The following ALMS1 variants were observed in gnomAD, a reference collection of about 807,000 sequenced individuals.
ALMS1 encodes the protein ALMS1 centrosome and basal body associated protein, also known as centrosome-associated protein ALMS1.
ALMS1 carries 271 observed loss-of-function variants against 352.2 expected under a neutral mutation model. The ratio of observed to expected loss-of-function variants is 0.77; its 90% CI spans 0.70 to 0.85. The LOEUF is 0.85. ALMS1 is among the 40% of genes least tolerant of loss of function. The pLI is 0.00. For synonymous variants in ALMS1, 1,865 were observed against 1,761.2 expected (o/e 1.06, Z -1.48); for missense variants, 5,445 against 4,870.7 (o/e 1.12, Z -3.51).
intron 9 of ALMS1, among the ~76,000 whole-genome samples, chr2:73,478,058 G>A (rs1347461676): frequency 6.6e-6 from 1 of 152,158 alleles, no homozygotes; most frequent in African/African-American, 2.4e-5. Flanking sequence ...TAGGGAGAAA[G>A]CATCTAGCTT....
At chr2:73,554,245 TTAAAG>T (rs1427284375) in intron 13 of ALMS1, among the ~76,000 whole-genome samples, 1 of 149,944 alleles carries the variant, frequency 6.7e-6, no homozygotes, top group Non-Finnish European at 1.5e-5. Flanking sequence ...AAAAAAAAAA[TTAAAG>T]GTAGATACAA....
intron 2 of ALMS1, among the ~76,000 whole-genome samples, chr2:73,414,473 G>GTTTTTTTTTTTTTTTTTTTTTT (rs61660489): frequency 4.5e-5 from 3 of 66,416 alleles, no homozygotes; most frequent in African/African-American, 8.5e-5. Context: ...CTTTTTTTCC[G>GTTTTTTTTTTTTTTTTTTTTTT]TTTTTTTTTT....
intron 15 of ALMS1, among the ~76,000 whole-genome samples, chr2:73,563,965 A>G (rs1194241412): frequency 6.6e-6 from 1 of 152,036 alleles, no homozygotes; most frequent in African/African-American, 2.4e-5. Flanking sequence ...CGTGGAGATG[A>G]AAATTTTTTT....
intron 9 of ALMS1, among the ~76,000 whole-genome samples, chr2:73,462,349 C>T (rs564028574): frequency 1.1e-3 from 169 of 152,164 alleles, no homozygotes; most frequent in African/African-American, 3.7e-3. Flanking sequence ...TCATATCCAG[C>T]GAAACTAAGC....
At chr2:73,426,722 T>A (rs1671387228) in intron 6 of ALMS1, among the ~76,000 whole-genome samples, 169 bp downstream of exon 6, 1 of 152,226 alleles carries the variant, frequency 6.6e-6, no homozygotes, top group Non-Finnish European at 1.5e-5. Context: ...AATTTCATGG[T>A]GATCTAGAGA....
At chr2:73,390,126 A>G (rs1043255890) in intron 1 of ALMS1, among the ~76,000 whole-genome samples, 2 of 152,108 alleles carry the variant, frequency 1.3e-5, no homozygotes, top group Non-Finnish European at 1.5e-5. Flanking sequence ...ATGATAATAT[A>G]TAGAATATAT....
rs1671995009 is a variant in ALMS1 at position 73,453,527 on chromosome 2, A to G, written c.7000A>G (p.Lys2334Glu). The change falls in exon 8 of 23, where the codon AAG (lysine) becomes GAG (glutamate). Residue 2334 changes from lysine to glutamate, a missense_variant. Coordinates refer to ENST00000613296, the MANE Select transcript of ALMS1 (RefSeq NM_001378454.1). Reference sequence around the variant, plus strand: ...AAGCCCAAGCAGCAGGTGCATACAGAAGGATATTGGCACACAGACGAATTT... The same window carrying G: ...AAGCCCAAGCAGCAGGTGCATACAGGAGGATATTGGCACACAGACGAATTT... Reference protein sequence around the residue: ...EESPSSRCIQKDIGTQTNLKC... With the variant: ...EESPSSRCIQEDIGTQTNLKC... The G allele has an allele frequency of 1.2e-6, 2 of 1,613,706 alleles. No homozygotes were observed. Among genetic ancestry groups the G allele is most frequent in the Non-Finnish European group, 1.7e-6 (2 of 1,179,978 alleles).
Position 73,452,989 on chromosome 2 carries a change from G to C in ALMS1, c.6462G>C (p.Lys2154Asn). Residue 2154 changes from lysine to asparagine, a missense_variant, in exon 8 of 23, where the codon AAG (lysine) becomes AAC (asparagine). By Grantham distance (94) the Lys-to-Asn change is moderately conservative (BLOSUM62 0). Transcript: ENST00000613296. ...HREKPDIFYQ[K>N]DLPDRHLTED... Reference sequence around the variant, plus strand: ...AGAAACCAGATATTTTCTATCAAAAGGATTTGCCAGATAGACATCTAACTG... The same window carrying C: ...AGAAACCAGATATTTTCTATCAAAACGATTTGCCAGATAGACATCTAACTG... 1 of 1,612,318 alleles carries C rather than the reference G, an allele frequency of 6.2e-7. No homozygotes were observed. The highest frequency in any genetic ancestry group is 8.5e-7 in the Non-Finnish European group (1 of 1,179,234).
chr2:73,425,679 C>T (rs565264390), intron 5 of ALMS1, among the ~76,000 whole-genome samples: 2 of 151,838 alleles, frequency 1.3e-5, no homozygotes, highest in African/African-American at 2.4e-5. Context: ...AGATGACAGC[C>T]GAGAGAGAGC....
intron 3 of ALMS1, among the ~76,000 whole-genome samples, chr2:73,420,094 T>C (rs1171484254): frequency 1.3e-5 from 2 of 152,232 alleles, no homozygotes; most frequent in Non-Finnish European, 2.9e-5. Flanking sequence ...GAGGACTATC[T>C]TTTGATAGAC....
At chr2:73,585,386 G>A (rs1675286872) in intron 16 of ALMS1, among the ~76,000 whole-genome samples, 1 of 146,502 alleles carries the variant, frequency 6.8e-6, no homozygotes, top group Non-Finnish European at 1.5e-5. Context: ...AATTAATGAT[G>A]ATGAGCTTTT....
chr2:73,456,505 G>A (rs750586866), intron 9 of ALMS1, among the ~76,000 whole-genome samples: 1 of 152,138 alleles, frequency 6.6e-6, no homozygotes, highest in Non-Finnish European at 1.5e-5. Flanking sequence ...TTAGTAGAAC[G>A]TGTGATGTCT....
chr2:73,523,900 A>G (rs1319391029), intron 11 of ALMS1, among the ~76,000 whole-genome samples: 1 of 152,178 alleles, frequency 6.6e-6, no homozygotes, highest in Non-Finnish European at 1.5e-5. Flanking sequence ...CCATCTAGAA[A>G]TGGTTACAGG....
chr2:73,439,635 G>C (rs1671676745), intron 7 of ALMS1, among the ~76,000 whole-genome samples: 1 of 152,048 alleles, frequency 6.6e-6, no homozygotes, highest in African/African-American at 2.4e-5. Flanking sequence ...CCACCTCCCA[G>C]GTTCAAGCGA....
intron 6 of ALMS1, among the ~76,000 whole-genome samples, chr2:73,429,002 C>T (rs1364277811): frequency 6.6e-6 from 1 of 152,276 alleles, no homozygotes; most frequent in East Asian, 1.9e-4. Context: ...GATTTTGAGT[C>T]AAAATCCAGT....
Position 73,578,121 on chromosome 2 carries a change from A to G in ALMS1, c.11547+4697A>G, listed in dbSNP as rs767973253. On this transcript the variant is annotated intron_variant, in intron 16 of 22. Transcript: ENST00000613296. ...CTCTTCATGGATTGATCCTTTTATC[A>G]GTACAAAATCCTCTTTTTGTCTCTT... Among the ~76,000 whole-genome samples, 134 of 152,158 alleles carry G rather than the reference A, an allele frequency of 8.8e-4. 1 individual carries two copies. Among genetic ancestry groups the G allele is most frequent in the Non-Finnish European group, 2.6e-4 (18 of 68,002 alleles).
chr2:73,390,556 TTATAAC>T (rs1670623235), intron 1 of ALMS1, among the ~76,000 whole-genome samples: 1 of 152,204 alleles, frequency 6.6e-6, no homozygotes, highest in African/African-American at 2.4e-5. Context: ...ATGACCAGTC[TTATAAC>T]TAAGTCTTTT....
chr2:73,453,094 C>T lies in ALMS1; in HGVS notation c.6567C>T (p.Tyr2189=), dbSNP rs368523556. The T allele has an allele frequency of 1.9e-6, 3 of 1,613,926 alleles. No homozygotes were observed. Among genetic ancestry groups the T allele is most frequent in the Middle Eastern group, 1.6e-4 (1 of 6,084 alleles). ...TGLQTVPSGT[Y]SHGENHKLVS... The stretch of plus-strand genomic sequence containing the variant: ...TACAAACAGTTCCCTCTGGTACTTA[C>T]TCACATGGTGAGAATCACAAGCTTG... Residue 2189 remains tyrosine, a synonymous_variant, in exon 8 of 23, where the codon TAC becomes TAT. Transcript: ENST00000613296.
chr2:73,516,285 T>G (rs951293127), intron 10 of ALMS1, among the ~76,000 whole-genome samples: 1 of 151,628 alleles, frequency 6.6e-6, no homozygotes, highest in Non-Finnish European at 1.5e-5. Context: ...TAATAAAAAG[T>G]AAAAAAAATA....
Sources: allele counts gnomAD v4.1 joint callset (sites outside exome capture counted in the v4.1 genomes callset), GRCh38; gene constraint gnomAD v4.1.1; transcripts MANE v1.5; gene names NCBI Gene and HGNC (gene_info 2026-07-23, HGNC 2026-07-21).